CCBE1: variants seen among roughly 807,000 people sequenced by gnomAD.
CCBE1 encodes the protein collagen and calcium-binding EGF domain-containing protein 1.
Under a neutral mutation model 50.0 loss-of-function variants are expected in CCBE1, and 37 were observed. That is an observed-to-expected ratio of 0.74 (90% CI 0.57 to 0.97). The LOEUF is 0.97. Among genes scored for constraint, CCBE1 ranks in the 50% least tolerant of loss-of-function variants. CCBE1 has a pLI of 0.00. For synonymous variants in CCBE1, 234 were observed against 203.7 expected (o/e 1.15, Z -1.27); for missense variants, 538 against 523.8 (o/e 1.03, Z -0.26).
chr18:59,568,997 C>A (rs979301373), intron 2 of CCBE1, among the ~76,000 whole-genome samples: 2 of 152,220 alleles, frequency 1.3e-5, no homozygotes, highest in African/African-American at 4.8e-5. Context: ...GATGTCTCTG[C>A]GTCTCTGTTC....
At chr18:59,565,917 G>T (rs542524415) in intron 2 of CCBE1, among the ~76,000 whole-genome samples, 1 of 152,144 alleles carries the variant, frequency 6.6e-6, no homozygotes, top group African/African-American at 2.4e-5. Flanking sequence ...AGGCTGTTAC[G>T]TCAGGGCTCC....
intron 2 of CCBE1, among the ~76,000 whole-genome samples, chr18:59,561,757 CAGAG>C (rs1399296458): frequency 6.6e-6 from 1 of 152,106 alleles, no homozygotes; most frequent in African/African-American, 2.4e-5. Context: ...TGCTCATGCC[CAGAG>C]AAAGAGTTAA....
chr18:59,643,475 A>T (rs2054016533), intron 2 of CCBE1, among the ~76,000 whole-genome samples: 2 of 152,268 alleles, frequency 1.3e-5, no homozygotes, highest in South Asian at 4.2e-4. Flanking sequence ...TCTTTGTTCA[A>T]GTGGTTTAGG....
At chr18:59,678,810 G>A (rs916681037) in intron 2 of CCBE1, among the ~76,000 whole-genome samples, 2 of 152,118 alleles carry the variant, frequency 1.3e-5, no homozygotes, top group African/African-American at 2.4e-5. Flanking sequence ...TGAGGTTACA[G>A]GCATGAACCA....
At chr18:59,541,187 G>A (rs1161453627) in intron 2 of CCBE1, among the ~76,000 whole-genome samples, 4 of 152,206 alleles carry the variant, frequency 2.6e-5, no homozygotes, top group Non-Finnish European at 5.9e-5. Context: ...GTAGGATGAT[G>A]TTTACTATTA....
At chr18:59,495,491 C>A (rs1259661489) in intron 2 of CCBE1, among the ~76,000 whole-genome samples, 1 of 150,676 alleles carries the variant, frequency 6.6e-6, no homozygotes, top group African/African-American at 2.4e-5. Context: ...TCCTTGACAT[C>A]ACTTCCCTGA....
At chr18:59,508,211 G>T (rs971167279) in intron 2 of CCBE1, among the ~76,000 whole-genome samples, 4 of 151,988 alleles carry the variant, frequency 2.6e-5, no homozygotes, top group African/African-American at 9.7e-5. Flanking sequence ...ACTTCTCTTG[G>T]ACAAAGACAA....
At chr18:59,658,094 C>A (rs893360005) in intron 2 of CCBE1, among the ~76,000 whole-genome samples, 1 of 151,212 alleles carries the variant, frequency 6.6e-6, no homozygotes, top group Non-Finnish European at 1.5e-5. Flanking sequence ...CCTCTTGTGT[C>A]AGTTTATGCA....
At chr18:59,579,882 G>T (rs959228934) in intron 2 of CCBE1, among the ~76,000 whole-genome samples, 1 of 152,164 alleles carries the variant, frequency 6.6e-6, no homozygotes, top group South Asian at 2.1e-4. Flanking sequence ...TTTACCCCTA[G>T]AACAACTGCT....
chr18:59,570,422 C>T (rs572912777), intron 2 of CCBE1, among the ~76,000 whole-genome samples: 29 of 152,304 alleles, frequency 1.9e-4, no homozygotes, highest in Non-Finnish European at 3.1e-4. Context: ...AGATAGTCAG[C>T]CACCAGTTTT....
intron 2 of CCBE1, among the ~76,000 whole-genome samples, chr18:59,542,450 A>G (rs964774226): frequency 9.2e-5 from 14 of 152,198 alleles, no homozygotes; most frequent in Admixed American, 5.2e-4. Context: ...GAAATTATAT[A>G]AAATGAAAGC....
At chr18:59,486,558 A>T (rs1421325092) in intron 2 of CCBE1, among the ~76,000 whole-genome samples, 1 of 152,262 alleles carries the variant, frequency 6.6e-6, no homozygotes, top group Non-Finnish European at 1.5e-5. Context: ...AACACAATGT[A>T]TGAACATGGC....
intron 2 of CCBE1, among the ~76,000 whole-genome samples, chr18:59,572,099 G>C (rs566298728): frequency 5.1e-4 from 77 of 152,166 alleles, no homozygotes; most frequent in Non-Finnish European, 9.6e-4. Flanking sequence ...AAAATGAAAA[G>C]AATTTTTTTA....
At chr18:59,506,491 C>G (rs560887146) in intron 2 of CCBE1, among the ~76,000 whole-genome samples, 450 of 152,328 alleles carry the variant, frequency 3.0e-3, no homozygotes, top group African/African-American at 0.01. Flanking sequence ...GAGAGGTAAC[C>G]AACCCCAGCA....
intron 2 of CCBE1, among the ~76,000 whole-genome samples, chr18:59,533,788 G>T (rs1176787879): frequency 6.6e-6 from 1 of 152,098 alleles, no homozygotes; most frequent in African/African-American, 2.4e-5. Flanking sequence ...AGATCATCTT[G>T]GTTGTGATAT....
At chr18:59,617,279 T>A (rs143120961) in intron 2 of CCBE1, among the ~76,000 whole-genome samples, 7 of 152,360 alleles carry the variant, frequency 4.6e-5, no homozygotes, top group Non-Finnish European at 1.0e-4. Context: ...ACCTGCAAGC[T>A]TTAGGCATTC....
chr18:59,492,423 C>T lies in CCBE1; in HGVS notation c.213-12185G>A, dbSNP rs561249444. ...AGGTAACATTTCCCAGCCTCTCATCCCACCAGGTATGGTCTTATGGATTAG... is the reference window on the plus strand; with the variant it reads ...AGGTAACATTTCCCAGCCTCTCATCTCACCAGGTATGGTCTTATGGATTAG... On this transcript the variant is annotated intron_variant, in intron 2 of 10. Transcript: ENST00000439986. 2.0e-5 allele frequency among the ~76,000 whole-genome samples: 3 copies of T among 152,182 alleles called. No homozygotes were observed. In the South Asian group the frequency reaches 6.2e-4, roughly 32 times the overall value.
chr18:59,469,682 T>C (rs773501857), intron 3 of CCBE1, 75 bp from the exon 4 acceptor site: 39 of 1,598,280 alleles, frequency 2.4e-5, no homozygotes, highest in Admixed American at 5.0e-5. Context: ...TGGAAAGGAC[T>C]TTCTGGGCTG....
chr18:59,473,804 C>T (rs1006471855), intron 3 of CCBE1, among the ~76,000 whole-genome samples: 107 of 79,390 alleles, frequency 1.3e-3, no homozygotes, highest in Non-Finnish European at 2.5e-3. Context: ...TCATCCAACC[C>T]TCCCACTATT....
Sources: allele counts gnomAD v4.1 joint callset (sites outside exome capture counted in the v4.1 genomes callset), GRCh38; gene constraint gnomAD v4.1.1; transcripts MANE v1.5; gene names NCBI Gene and HGNC (gene_info 2026-07-23, HGNC 2026-07-21).